Variants in KPNA7 observed in about 807,000 individuals in gnomAD.
KPNA7 encodes importin subunit alpha-8.
A neutral mutation model predicts 53.7 loss-of-function variants in KPNA7; 54 were observed. That is an observed-to-expected ratio of 1.01 (90% CI 0.81 to 1.26). The LOEUF is 1.26. Ranked by LOEUF, KPNA7 falls within the 50% of genes most tolerant of loss-of-function variation. KPNA7 has a pLI of 0.00. For missense variants in KPNA7, 640 were observed against 644.5 expected (o/e 0.99, Z 0.07); for synonymous variants, 276 against 259.3 (o/e 1.06, Z -0.62).
At chr7:99,166,505 G>A in the KPNA7 span, among the ~76,000 whole-genome samples, 1 of 152,080 alleles carries the variant, frequency 6.6e-6, no homozygotes, top group Non-Finnish European at 1.5e-5. Flanking sequence ...AGTAGAGATG[G>A]GGTTTCACCA....
Position 99,188,395 on chromosome 7 carries a change from T to G in KPNA7, c.805A>C (p.Thr269Pro). The change falls in exon 7 of 11, where the codon ACC becomes CCC. Residue 269 changes from threonine (T) to proline (P), a missense_variant. Thr to Pro is a conservative substitution (Grantham distance 38, BLOSUM62 -1). Transcript: ENST00000327442. Reference sequence around the variant, plus strand: ...CCGATGCGCTTGTTGGAGCCGTCGGTGAGGTAGGACAGTGCCCAGCAGGCA... The same window carrying G: ...CCGATGCGCTTGTTGGAGCCGTCGGGGAGGTAGGACAGTGCCCAGCAGGCA... ...SDACWALSYLTDGSNKRIGQV... is the reference protein window; with the variant it reads ...SDACWALSYLPDGSNKRIGQV... The G allele has an allele frequency of 6.4e-7, 1 of 1,551,374 alleles. No individual in the cohort carries two copies. Among genetic ancestry groups the G allele is most frequent in the Non-Finnish European group, 8.7e-7 (1 of 1,146,958 alleles).
At chr7:99,189,102 A>G (rs550257084) in intron 6 of KPNA7, among the ~76,000 whole-genome samples, 1 of 152,286 alleles carries the variant, frequency 6.6e-6, no homozygotes, top group East Asian at 1.9e-4. Context: ...TTGTCTTTCA[A>G]AATGTCCTTT....
At chr7:99,183,382 A>G (rs1789382938) in intron 8 of KPNA7, among the ~76,000 whole-genome samples, 1 of 151,900 alleles carries the variant, frequency 6.6e-6, no homozygotes, top group Non-Finnish European at 1.5e-5. Context: ...GTTGGGGAAA[A>G]CTGACCTCAG....
upstream of KPNA7, among the ~76,000 whole-genome samples, chr7:99,212,867 G>T (rs906620664): frequency 6.6e-6 from 1 of 151,780 alleles, no homozygotes; most frequent in African/African-American, 2.4e-5. Context: ...CTCCAGCATG[G>T]GTGACAGAGA....
chr7:99,185,087 T>C lies in KPNA7; in HGVS notation c.976A>G (p.Met326Val). Residue 326 changes from methionine to valine, a missense_variant, in exon 8 of 11, where the codon ATG (methionine) becomes GTG (valine). Physicochemically the swap from Met to Val is conservative, Grantham distance 21. Coordinates refer to ENST00000327442, the MANE Select transcript of KPNA7 (RefSeq NM_001145715.3). ...AGGAGCTGGGGGAGCACGTTCAGCATACCCGCATCAATGGCCATCTGCGTC... is the reference window on the plus strand; with the variant it reads ...AGGAGCTGGGGGAGCACGTTCAGCACACCCGCATCAATGGCCATCTGCGTC... ...EQTQMAIDAG[M>V]LNVLPQLLQH... 2 of 1,551,960 alleles carry C rather than the reference T, an allele frequency of 1.3e-6. No homozygotes were observed. The highest frequency in any genetic ancestry group is 8.7e-7 in the Non-Finnish European group (1 of 1,147,052).
At chr7:99,187,687 G>A (rs373341633) in intron 7 of KPNA7, among the ~76,000 whole-genome samples, 3 of 150,606 alleles carry the variant, frequency 2.0e-5, no homozygotes, top group Admixed American at 6.7e-5. Context: ...CCGAGTAGCT[G>A]GAATTACAGC....
rs1348278175 is a variant in KPNA7 at position 99,180,724 on chromosome 7, TGTGTCTCTCTCTCTCCCC to T, written c.1317+1141_1317+1158del. Among the ~76,000 whole-genome samples the T allele has an allele frequency of 2.4e-3, 334 of 137,496 alleles. 28 individuals carry two copies. Among genetic ancestry groups the T allele is most frequent in the African/African-American group, 8.6e-3 (311 of 36,076 alleles). 90.2% of individuals were successfully genotyped at this position (137,496 alleles called of 152,430 possible). On this transcript the variant is annotated intron_variant, in intron 9 of 10. Transcript: ENST00000327442. ...GTCTGTGTCTCTCTCTCTCTCCGTC[TGTGTCTCTCTCTCTCCCC>T]GTGTCTCTCTCTCTCTCCCCGTCTG... is the stretch of plus-strand genomic sequence containing the variant.
At chr7:99,166,912 C>T in the KPNA7 span, among the ~76,000 whole-genome samples, 23 of 152,308 alleles carry the variant, frequency 1.5e-4, no homozygotes, top group African/African-American at 4.3e-4. Context: ...GCCACCATGC[C>T]CAGTCTAGTT....
the KPNA7 span, among the ~76,000 whole-genome samples, chr7:99,163,991 G>A: frequency 6.6e-6 from 1 of 151,816 alleles, no homozygotes; most frequent in Admixed American, 6.6e-5. Flanking sequence ...GGAAACAATA[G>A]GTGCTAGAGA....
chr7:99,188,836 C>A (rs896857114), intron 6 of KPNA7, among the ~76,000 whole-genome samples: 1 of 152,094 alleles, frequency 6.6e-6, no homozygotes, highest in African/African-American at 2.4e-5. Flanking sequence ...CGCCACCACA[C>A]ACGCCCAGCT....
chr7:99,171,993 C>T (rs921107845), downstream of KPNA7, among the ~76,000 whole-genome samples: 1 of 152,142 alleles, frequency 6.6e-6, no homozygotes, highest in Non-Finnish European at 1.5e-5. Context: ...AGGAGGTTTA[C>T]ACAGGCTGTA....
At chr7:99,200,669 A>AT (rs71108430) in intron 3 of KPNA7, among the ~76,000 whole-genome samples, 12,039 of 152,174 alleles carry the variant, frequency 0.079, 508 homozygotes, top group South Asian at 0.15. Flanking sequence ...AACAACCCAA[A>AT]GTCCCCCAAT....
rs1041727630 is a variant in KPNA7 at position 99,188,287 on chromosome 7, G to A, written c.900+13C>T. On this transcript the variant is annotated intron_variant, in intron 7 of 10. Transcript: ENST00000327442. ...CGAGGACTCGAATCCACAGGGCCCA[G>A]GATTGCATTTACCAAGACATTGAGT... The A allele has an allele frequency of 4.5e-6, 7 of 1,548,918 alleles. No homozygotes were observed. The African/African-American group carries it at 5.5e-5, about 12-fold the overall frequency.
intron 1 of KPNA7, among the ~76,000 whole-genome samples, chr7:99,213,742 C>G (rs1034911730): frequency 1.3e-5 from 2 of 152,068 alleles, no homozygotes; most frequent in Non-Finnish European, 2.9e-5. Context: ...CCCCAAGTAG[C>G]TGGGACTACA....
the KPNA7 span, among the ~76,000 whole-genome samples, chr7:99,160,030 T>TG: frequency 2.1e-5 from 3 of 142,116 alleles, no homozygotes; most frequent in African/African-American, 5.4e-5. Flanking sequence ...TTTTTTTTTT[T>TG]TTTTTTTTTT....
the KPNA7 span, among the ~76,000 whole-genome samples, chr7:99,166,161 A>G: frequency 6.6e-6 from 1 of 152,124 alleles, no homozygotes; most frequent in African/African-American, 2.4e-5. Flanking sequence ...TCTTTTCTTT[A>G]TAAACCACCC....
downstream of KPNA7, among the ~76,000 whole-genome samples, chr7:99,169,136 CAG>C (rs1267012856): frequency 1.3e-5 from 2 of 151,866 alleles, no homozygotes; most frequent in African/African-American, 2.4e-5. Flanking sequence ...AGCCTGGCGA[CAG>C]AGAGACTCCC....
upstream of KPNA7, among the ~76,000 whole-genome samples, chr7:99,212,363 C>A (rs1307774652): frequency 6.6e-6 from 1 of 151,204 alleles, no homozygotes; most frequent in Non-Finnish European, 1.5e-5. Context: ...CCTGCCTCAG[C>A]CTCCCACGTA....
chr7:99,192,178 T>C (rs1789992315), intron 6 of KPNA7, among the ~76,000 whole-genome samples: 1 of 152,176 alleles, frequency 6.6e-6, no homozygotes, highest in Non-Finnish European at 1.5e-5. Context: ...ACCTTGGTAA[T>C]GACCATGAGC....
Sources: allele counts gnomAD v4.1 joint callset (sites outside exome capture counted in the v4.1 genomes callset), GRCh38; gene constraint gnomAD v4.1.1; transcripts MANE v1.5; gene names NCBI Gene and HGNC (gene_info 2026-07-23, HGNC 2026-07-21).